Variants in ABCF3 observed in about 807,000 individuals in gnomAD.
ABCF3 encodes ATP-binding cassette sub-family F member 3.
Under a neutral mutation model 94.3 loss-of-function variants are expected in ABCF3, and 62 were observed. The ratio of observed to expected loss-of-function variants is 0.66; its 90% CI spans 0.54 to 0.81. The LOEUF (loss-of-function observed/expected upper bound fraction) is 0.81, where lower values mean the gene tolerates loss of function less well. Among genes scored for constraint, ABCF3 ranks in the 40% least tolerant of loss-of-function variants. The pLI, the probability that ABCF3 is intolerant of heterozygous loss-of-function variation, is 0.00. For missense variants in ABCF3, 843 were observed against 925.3 expected (o/e 0.91, Z 1.15); for synonymous variants, 355 against 361.1 (o/e 0.98, Z 0.19).
In ABCF3 at chr3:184,193,548, G is replaced by C; in HGVS notation, c.1980G>C (p.Val660=). 1 of 1,614,200 alleles carries C rather than the reference G, an allele frequency of 6.2e-7. No individual in the cohort carries two copies. ...GRALNNFRGG[V]ILVSHDERFI... Reference sequence around the variant, plus strand: ...GCCCTCCTGTCTTTCAGGGTGGTGTGATTCTGGTGTCCCACGATGAGCGCT... The same window carrying C: ...GCCCTCCTGTCTTTCAGGGTGGTGTCATTCTGGTGTCCCACGATGAGCGCT... The change falls in exon 21 of 21, where the codon GTG becomes GTC. Residue 660 remains valine, a synonymous_variant. Coordinates refer to ENST00000429586, the MANE Select transcript of ABCF3 (RefSeq NM_018358.3). This position sits in a 1 kb window ranked among gnomAD's most constrained non-coding sequence, Gnocchi z 5.2.
chr3:184,187,442 C>G lies in ABCF3; in HGVS notation c.347C>G (p.Ser116Trp). ...GGACTGCTAAAGAGGGAACAGTCCT[C>G]GGTGAGGAGGAGGAAGCAAGGGAGG... is the stretch of plus-strand genomic sequence containing the variant. ...LPGLLKREQS[S>W]TVNAKKLEKA... Residue 116 changes from serine (S) to tryptophan (W), a missense_variant and splice_region_variant, in exon 4 of 21, where the codon TCG becomes TGG. By Grantham distance (177) the Ser-to-Trp change is radical (BLOSUM62 -3). Transcript: ENST00000429586. The G allele has an allele frequency of 6.2e-7, 1 of 1,613,160 alleles. No homozygotes were observed. The highest frequency in any genetic ancestry group is 1.1e-5 in the South Asian group (1 of 91,062).
rs1253277413 is a variant in ABCF3 at position 184,189,068 on chromosome 3, G to A, written c.978-20G>A. 2 of 1,614,162 alleles carry A rather than the reference G, an allele frequency of 1.2e-6. No individual in the cohort carries two copies. Among genetic ancestry groups the A allele is most frequent in the Admixed American group, 1.7e-5 (1 of 60,026 alleles). On this transcript the variant is annotated intron_variant, in intron 9 of 20. Coordinates refer to ENST00000429586, the MANE Select transcript of ABCF3 (RefSeq NM_018358.3). ...GCCCTGATGAACACCCACCCATAAT[G>A]TGACTCCATCATTCTTTAGGGAGTT...
Position 184,191,179 on chromosome 3 carries a change from A to T in ABCF3, c.1493A>T (p.Asp498Val). 6.2e-7 allele frequency: 1 copy of T among 1,614,042 alleles called. No homozygotes were observed. The highest frequency in any genetic ancestry group is 8.5e-7 in the Non-Finnish European group (1 of 1,180,014). Reference protein sequence around the residue: ...SPPILQLDEVDFYYDPKHVIF... With the variant: ...SPPILQLDEVVFYYDPKHVIF... The stretch of plus-strand genomic sequence containing the variant: ...CCAATTCTGCAGCTAGATGAGGTGG[A>T]TTTCTACTACGATCCGAAGCACGTC... Residue 498 changes from aspartate (D) to valine (V), a missense_variant, in exon 16 of 21, where the codon GAT becomes GTT. Transcript: ENST00000429586.
At chr3:184,187,342 A>G in intron 3 of ABCF3, 55 bp from the exon 4 acceptor site, 1 of 1,609,332 alleles carries the variant, frequency 6.2e-7, no homozygotes, top group South Asian at 1.1e-5. Context: ...GTCACTCAAA[A>G]TGTTAGTTTC....
At position 184,193,874 on chromosome 3, in the gene ABCF3, A is replaced by T; in HGVS notation, c.*176A>T. On this transcript the variant is annotated 3_prime_UTR_variant, in exon 21 of 21. Transcript: ENST00000429586. The surrounding 1 kb of genome is among the most constrained non-coding windows in gnomAD (Gnocchi z 5.2). ...CTGCACAACCTTGGGAGCCCATCCAAGGGTTGGTGAGGACTGGTCTCCCGG... is the reference window on the plus strand; with the variant it reads ...CTGCACAACCTTGGGAGCCCATCCATGGGTTGGTGAGGACTGGTCTCCCGG... The T allele has an allele frequency of 2.4e-6, 2 of 828,950 alleles. No homozygotes were observed. The highest frequency in any genetic ancestry group is 3.6e-6 in the Non-Finnish European group (2 of 554,290). The allele number at this position is 828,950 out of a possible 1,614,324, so 51.3% of individuals were successfully genotyped here.
intron 4 of ABCF3, 28 bp from the exon 5 acceptor site, chr3:184,187,636 A>G (rs1715724143): frequency 1.2e-6 from 2 of 1,612,690 alleles, no homozygotes; most frequent in Non-Finnish European, 1.7e-6. Flanking sequence ...TACACCCGAG[A>G]GTGAAGTCGA....
intron 1 of ABCF3, 42 bp from the exon 2 acceptor site, chr3:184,186,465 A>G (rs746818914): frequency 2.6e-5 from 41 of 1,588,836 alleles, no homozygotes; most frequent in Non-Finnish European, 3.5e-5. Context: ...TTGTGTGTCC[A>G]CCCTACCCGA....
At position 184,186,980 on chromosome 3, in the gene ABCF3, A is replaced by G. The variant is rs996505311; in HGVS notation, c.301+105A>G. The stretch of plus-strand genomic sequence containing the variant: ...GCTCCTACGTCTTTTCCACAGGACA[A>G]GGTTGTAGGAGCTAGTTGATGTCTT... On this transcript the variant is annotated intron_variant, in intron 3 of 20. Transcript: ENST00000429586. 48 of 1,169,892 alleles carry G rather than the reference A, an allele frequency of 4.1e-5. No individual in the cohort carries two copies. The South Asian group carries it at 5.7e-4, about 14-fold the overall frequency. The allele number at this position is 1,169,892 out of a possible 1,614,324, so 72.5% of individuals were successfully genotyped here.
At position 184,188,763 on chromosome 3, in the gene ABCF3, C is replaced by T. The variant is rs376213461; in HGVS notation, c.839C>T (p.Ala280Val). 250 of 1,613,686 alleles carry T rather than the reference C, an allele frequency of 1.5e-4. No homozygotes were observed. The highest frequency in any genetic ancestry group is 1.9e-4 in the Non-Finnish European group (223 of 1,179,698). ...ATTGCTGTTTCTCCTCCCTCCAGGG[C>T]GGAGGGCTCTGAAGCTGCAGAGCTG... ...ELTAQIAAGRAEGSEAAELAE... is the reference protein window; with the variant it reads ...ELTAQIAAGRVEGSEAAELAE... The change falls in exon 8 of 21, where the codon GCG becomes GTG. Residue 280 changes from alanine to valine, a missense_variant and splice_region_variant. By Grantham distance (64) the Ala-to-Val change is moderately conservative (BLOSUM62 0). Coordinates refer to ENST00000429586, the MANE Select transcript of ABCF3 (RefSeq NM_018358.3).
chr3:184,188,392 A>G lies in ABCF3; in HGVS notation c.821A>G (p.Gln274Arg). The change falls in exon 7 of 21, where the codon CAG becomes CGG. Residue 274 changes from glutamine to arginine, a missense_variant. By Grantham distance (43) the Gln-to-Arg change is conservative. Transcript: ENST00000429586. ...CGGAGGGAGCGGGAGCTCACTGCCC[A>G]GATTGCTGCTGGCAGGTGAGGACTC... The part of the protein sequence containing the change: ...LLRRERELTA[Q>R]IAAGRAEGSE... 1 of 1,607,616 alleles carries G rather than the reference A, an allele frequency of 6.2e-7. No homozygotes were observed. The highest frequency in any genetic ancestry group is 1.1e-5 in the South Asian group (1 of 91,032).
rs764120497 is a variant in ABCF3, at chr3:184,189,927, A to G, written c.1387A>G (p.Lys463Glu). Residue 463 changes from lysine to glutamate, a missense_variant, in exon 14 of 21, where the codon AAG becomes GAG. Lys to Glu is a moderately conservative substitution (Grantham distance 56). Coordinates refer to ENST00000429586, the MANE Select transcript of ABCF3 (RefSeq NM_018358.3). ...QVQSKLKMLEKLPELKPVDKE... is the reference protein window; with the variant it reads ...QVQSKLKMLEELPELKPVDKE... ...GCAGAGTAAACTCAAGATGCTGGAG[A>G]AGCTGTGAGTACAGCATCCTTGGCC... 18 of 1,614,186 alleles carry G rather than the reference A, an allele frequency of 1.1e-5. No individual in the cohort carries two copies. Among genetic ancestry groups the G allele is most frequent in the Non-Finnish European group, 1.4e-5 (17 of 1,180,018 alleles).
Position 184,186,265 on chromosome 3 carries a change from T to C in ABCF3, c.58T>C (p.Phe20Leu), listed in dbSNP as rs770488288. ...SEFPEIDGQV[F>L]DYVTGVLHSG... ...GTTCCCCGAAATTGACGGACAAGTCTTCGACTACGTGACCGGTAAGCAGAA... is the reference window on the plus strand; with the variant it reads ...GTTCCCCGAAATTGACGGACAAGTCCTCGACTACGTGACCGGTAAGCAGAA... The change falls in exon 1 of 21, where the codon TTC becomes CTC. Residue 20 changes from phenylalanine (F) to leucine (L), a missense_variant. Phe to Leu is a conservative substitution (Grantham distance 22). Transcript: ENST00000429586. 1 of 1,614,182 alleles carries C rather than the reference T, an allele frequency of 6.2e-7. No individual in the cohort carries two copies. Among genetic ancestry groups the C allele is most frequent in the Non-Finnish European group, 8.5e-7 (1 of 1,180,020 alleles).
rs763969682 is a variant in ABCF3, at chr3:184,188,377, G to A, written c.806G>A (p.Arg269Gln). The A allele has an allele frequency of 1.6e-5, 25 of 1,611,828 alleles. No homozygotes were observed. Among genetic ancestry groups the A allele is most frequent in the Non-Finnish European group, 2.0e-5 (23 of 1,178,992 alleles). The change falls in exon 7 of 21, where the codon CGG becomes CAG. Residue 269 changes from arginine to glutamine, a missense_variant. By Grantham distance (43) the Arg-to-Gln change is conservative. Transcript: ENST00000429586. ...SVREDLLRRE[R>Q]ELTAQIAAGR... The stretch of plus-strand genomic sequence containing the variant: ...CGAGAGGATTTGCTACGGAGGGAGC[G>A]GGAGCTCACTGCCCAGATTGCTGCT...
In ABCF3 at chr3:184,187,920, C is replaced by A. The variant is rs1382451880; in HGVS notation, c.506C>A (p.Ser169Ter). The A allele has an allele frequency of 6.2e-7, 1 of 1,614,082 alleles. No individual in the cohort carries two copies. The highest frequency in any genetic ancestry group is 8.5e-7 in the Non-Finnish European group (1 of 1,180,016). The change falls in exon 6 of 21, where the codon TCA (serine) becomes TAA (stop). Residue 169 changes from serine to a stop codon, truncating the protein, a stop_gained. Coordinates refer to ENST00000429586, the MANE Select transcript of ABCF3 (RefSeq NM_018358.3). LOFTEE classifies it high-confidence loss of function. ...AGCAGAAAGGAGAGTCGGTTGGAATCATCTGGCAAGAACAAATCCTATGAT... is the reference window on the plus strand; with the variant it reads ...AGCAGAAAGGAGAGTCGGTTGGAATAATCTGGCAAGAACAAATCCTATGAT... ...AGSRKESRLE[S>*]SGKNKSYDVR...
intron 3 of ABCF3, 178 bp from the exon 4 acceptor site, chr3:184,187,219 T>A: frequency 1.5e-6 from 1 of 680,302 alleles, no homozygotes; most frequent in Non-Finnish European, 2.5e-6. Flanking sequence ...TCTACGTGAG[T>A]TTTGTTTTGT....
chr3:184,186,402 G>A, intron 1 of ABCF3, 105 bp from the exon 2 acceptor site: 2 of 1,581,684 alleles, frequency 1.3e-6, no homozygotes, highest in African/African-American at 1.3e-5. Flanking sequence ...TGTCCCGGGG[G>A]CTGGTTGGGT....
In ABCF3 at chr3:184,189,574, C is replaced by T; in HGVS notation, c.1131C>T (p.Ile377=). Residue 377 remains isoleucine, a synonymous_variant, in exon 13 of 21, where the codon ATC becomes ATT. Coordinates refer to ENST00000429586, the MANE Select transcript of ABCF3 (RefSeq NM_018358.3). ...CCCCTCAGACGTGGCCCTCCACCAT[C>T]CTAGTCGTCTCCCACGACCGCAACT... The part of the protein sequence containing the change: ...ENYLQTWPST[I]LVVSHDRNFL... 4 of 1,614,164 alleles carry T rather than the reference C, an allele frequency of 2.5e-6. No homozygotes were observed. Among genetic ancestry groups the T allele is most frequent in the South Asian group, 1.1e-5 (1 of 91,078 alleles).
intron 14 of ABCF3, chr3:184,190,606 T>A (rs1715958373): frequency 8.8e-5 from 1 of 11,318 alleles, no homozygotes; most frequent in South Asian, 1.1e-3. Context: ...GTTATTGACT[T>A]TTTTTTTTTT....
chr3:184,187,444 G>A lies in ABCF3; in HGVS notation c.348+1G>A. Reference sequence around the variant, plus strand: ...ACTGCTAAAGAGGGAACAGTCCTCGGTGAGGAGGAGGAAGCAAGGGAGGGG... The same window carrying A: ...ACTGCTAAAGAGGGAACAGTCCTCGATGAGGAGGAGGAAGCAAGGGAGGGG... On this transcript the variant is annotated splice_donor_variant, in intron 4 of 20. Transcript: ENST00000429586. LOFTEE classifies it high-confidence loss of function. The A allele has an allele frequency of 6.2e-7, 1 of 1,613,264 alleles. No individual in the cohort carries two copies. The highest frequency in any genetic ancestry group is 8.5e-7 in the Non-Finnish European group (1 of 1,179,842).
Sources: allele counts gnomAD v4.1 joint callset, GRCh38; gene constraint gnomAD v4.1.1; non-coding constraint Gnocchi (gnomAD v3.1); transcripts MANE v1.5; gene names NCBI Gene and HGNC (gene_info 2026-07-23, HGNC 2026-07-21).